Variants in OLAH observed in about 807,000 individuals in gnomAD.
OLAH encodes the protein oleoyl-ACP hydrolase.
OLAH carries 33 observed loss-of-function variants against 27.8 expected under a neutral mutation model. That is an observed-to-expected ratio of 1.19 (90% confidence interval 0.90 to 1.59). The LOEUF (loss-of-function observed/expected upper bound fraction) is 1.59. Among genes scored for constraint, OLAH ranks in the 40% most tolerant of loss-of-function variants. The probability of loss-of-function intolerance (pLI) is 0.00; values close to 1 mark genes in which losing one functional copy is unlikely to be tolerated. For missense variants in OLAH, 359 were observed against 310.8 expected, an observed-to-expected ratio of 1.16 and a Z score of -1.17; for synonymous variants, 120 against 102.9, an observed-to-expected ratio of 1.17 and a Z score of -1.01.
chr10:15,058,293 A>G (rs886905658), intron 3 of OLAH, among the ~76,000 whole-genome samples: 3 of 151,886 alleles, frequency 2.0e-5, no homozygotes, highest in Admixed American at 6.6e-5. Context: ...GGGTCTCCCT[A>G]TGTTGCCTAG....
chr10:15,061,954 A>G, intron 4 of OLAH, 92 bp downstream of exon 4: 3 of 1,227,618 alleles, frequency 2.4e-6, no homozygotes, highest in Non-Finnish European at 3.4e-6. Flanking sequence ...TAAGATGCAT[A>G]CCTTTGTATT....
chr10:15,054,039 ATTT>A (rs34022567), intron 3 of OLAH, among the ~76,000 whole-genome samples: 3 of 129,146 alleles, frequency 2.3e-5, no homozygotes, highest in Admixed American at 8.1e-5. Context: ...CCTCTTAAGC[ATTT>A]TTTTTTTTTT....
At position 15,065,628 on chromosome 10, in the gene OLAH, A is replaced by G; in HGVS notation, c.447A>G (p.Glu149=). 1 of 1,611,530 alleles carries G rather than the reference A, an allele frequency of 6.2e-7. No individual in the cohort carries two copies. The highest frequency in any genetic ancestry group is 8.5e-7 in the Non-Finnish European group (1 of 1,179,476). Reference sequence around the variant, plus strand: ...TTCCCAAAGATGATGAATTGTCAGAAGAACAAATAAGTCATTACCTTATGG... The same window carrying G: ...TTCCCAAAGATGATGAATTGTCAGAGGAACAAATAAGTCATTACCTTATGG... ...HRIPKDDELS[E]EQISHYLMEF... is the part of the protein sequence containing the mutation. The change falls in exon 6 of 8, where the codon GAA becomes GAG. Residue 149 remains glutamate, a synonymous_variant. Transcript: ENST00000378228.
intron 3 of OLAH, among the ~76,000 whole-genome samples, chr10:15,058,020 G>C (rs916401781): frequency 6.6e-6 from 1 of 152,148 alleles, no homozygotes; most frequent in Admixed American, 6.6e-5. Flanking sequence ...TTTCCATACA[G>C]CTTTTAAAAT....
intron 2 of OLAH, among the ~76,000 whole-genome samples, chr10:15,048,655 G>T (rs374347425): frequency 6.6e-6 from 1 of 152,090 alleles, no homozygotes; most frequent in South Asian, 2.1e-4. Context: ...GCCCATGAAC[G>T]GTTTGGATAA....
intron 3 of OLAH, among the ~76,000 whole-genome samples, chr10:15,057,395 C>CTTTT (rs10717821): frequency 4.3e-5 from 4 of 93,206 alleles, no homozygotes; most frequent in Non-Finnish European, 8.0e-5. Flanking sequence ...TATTTCTGGG[C>CTTTT]TTTTTTTTTT....
At chr10:15,066,672 A>G (rs190093320) in intron 6 of OLAH, among the ~76,000 whole-genome samples, 1 of 150,604 alleles carries the variant, frequency 6.6e-6, no homozygotes, top group Admixed American at 6.6e-5. Flanking sequence ...ATGGAGTCTC[A>G]CTTTGTCGCC....
rs1232054875 is a variant in OLAH at position 15,033,038 on chromosome 10, A to AT, written c.-164+688_-164+689insT. Among the ~76,000 whole-genome samples the AT allele has an allele frequency of 1.3e-3, 160 of 127,682 alleles. 2 individuals carry two copies. Among genetic ancestry groups the AT allele is most frequent in the African/African-American group, 3.8e-3 (134 of 35,310 alleles). 83.8% of individuals were successfully genotyped at this position (127,682 alleles called of 152,430 possible). A position where few individuals can be genotyped will look rare whatever the true frequency, so the allele number is the denominator to read the frequency against. ...CAGGTGCCCACCACCACAGTGGGCT[A>AT]ATTTTTTTTTTTTTTTAAAGTAGAG... On this transcript the variant is annotated intron_variant, in intron 1 of 3. Transcript: ENST00000413672.
At chr10:15,047,647 G>A (rs1209811645) in intron 2 of OLAH, among the ~76,000 whole-genome samples, 1 of 152,190 alleles carries the variant, frequency 6.6e-6, no homozygotes, top group African/African-American at 2.4e-5. Context: ...GCAGGTTGCA[G>A]TGAGACGAGA....
At chr10:15,036,921 A>C (rs537240551) in intron 1 of OLAH, among the ~76,000 whole-genome samples, 6 of 152,214 alleles carry the variant, frequency 3.9e-5, no homozygotes, top group African/African-American at 1.2e-4. Flanking sequence ...TCTACTAAAA[A>C]TACGAAAATT....
intron 6 of OLAH, 140 bp downstream of exon 6, chr10:15,065,893 GGTA>G (rs1346817837): frequency 1.4e-6 from 1 of 697,894 alleles, no homozygotes; most frequent in African/African-American, 1.8e-5. Flanking sequence ...GGCCACCTAT[GGTA>G]TGTATACTGG....
intron 1 of OLAH, among the ~76,000 whole-genome samples, chr10:15,046,114 C>A (rs974742873): frequency 6.7e-6 from 1 of 150,178 alleles, no homozygotes; most frequent in African/African-American, 2.5e-5. Flanking sequence ...GGGAGGCTGA[C>A]GTGGGTGGAT....
upstream of OLAH, among the ~76,000 whole-genome samples, chr10:15,043,054 G>T (rs765971477): frequency 7.9e-5 from 12 of 151,752 alleles, no homozygotes; most frequent in South Asian, 2.1e-4. Flanking sequence ...TAGAGATGGG[G>T]TTTCACCATG....
At chr10:15,049,308 A>AT (rs1391880753) in intron 2 of OLAH, among the ~76,000 whole-genome samples, 17 of 151,886 alleles carry the variant, frequency 1.1e-4, no homozygotes, top group African/African-American at 1.7e-4. Context: ...TAACTTTTAA[A>AT]TTTTTTGTTG....
At chr10:15,049,981 C>T (rs546160082) in intron 3 of OLAH, among the ~76,000 whole-genome samples, 4 of 152,186 alleles carry the variant, frequency 2.6e-5, no homozygotes, top group Non-Finnish European at 5.9e-5. Flanking sequence ...TAGGAGATGA[C>T]GTTCTAATAC....
At chr10:15,063,884 A>G (rs890202629) in intron 4 of OLAH, among the ~76,000 whole-genome samples, 3 of 152,250 alleles carry the variant, frequency 2.0e-5, no homozygotes, top group African/African-American at 7.2e-5. Flanking sequence ...GTCTGACATA[A>G]TAGAAGGCAG....
chr10:15,044,901 G>A (rs567046315), intron 1 of OLAH, among the ~76,000 whole-genome samples: 52 of 151,988 alleles, frequency 3.4e-4, no homozygotes, highest in East Asian at 2.1e-3. Context: ...TGCTTTTTTT[G>A]TAATCTATTC....
chr10:15,063,549 A>T (rs551044145), intron 4 of OLAH, among the ~76,000 whole-genome samples: 16 of 152,350 alleles, frequency 1.1e-4, no homozygotes, highest in African/African-American at 3.8e-4. Flanking sequence ...TTTACAAATA[A>T]GCAACCTCTG....
At chr10:15,033,771 G>C (rs898045764) in intron 1 of OLAH, among the ~76,000 whole-genome samples, 4 of 152,096 alleles carry the variant, frequency 2.6e-5, no homozygotes, top group Non-Finnish European at 4.4e-5. Flanking sequence ...GGCAAAAAGA[G>C]AGAGGGCAGG....
Sources: allele counts gnomAD v4.1 joint callset (sites outside exome capture counted in the v4.1 genomes callset), GRCh38; gene constraint gnomAD v4.1.1; transcripts MANE v1.5; gene names NCBI Gene and HGNC (gene_info 2026-07-23, HGNC 2026-07-21).